The following JMJD1C variants were observed in gnomAD, a reference collection of about 807,000 sequenced individuals.
The protein encoded by JMJD1C is jumonji domain containing 1C, also known as jumonji domain-containing protein 1C.
In JMJD1C, 31 loss-of-function variants were observed where a neutral mutation model predicts 245.3. The ratio of observed to expected loss-of-function variants is 0.13; its 90% CI spans 0.09 to 0.17. The LOEUF (loss-of-function observed/expected upper bound fraction) is 0.17. JMJD1C is among the 10% of genes least tolerant of loss of function. The pLI, the probability that JMJD1C is intolerant of heterozygous loss-of-function variation, is 1.00. For missense variants in JMJD1C, 2,691 were observed against 3,000.2 expected (o/e 0.90, Z 2.41); for synonymous variants, 1,057 against 1,017.4 (o/e 1.04, Z -0.74).
Position 63,208,098 on chromosome 10 carries a change from C to G in JMJD1C, c.3571G>C (p.Val1191Leu), listed in dbSNP as rs748767610. The change falls in exon 10 of 26, where the codon GTT becomes CTT. Residue 1191 changes from valine (V) to leucine (L), a missense_variant. Coordinates refer to ENST00000399262, the MANE Select transcript of JMJD1C (RefSeq NM_032776.3). ...NDCRSPTHLT[V>L]SSTNTLRSMP... The stretch of plus-strand genomic sequence containing the variant: ...CTGCGGAGTGTATTTGTAGAAGAAA[C>G]TGTCAAATGGGTAGGACTCCTACAA... 8.7e-6 allele frequency: 14 copies of G among 1,614,070 alleles called. No homozygotes were observed. The highest frequency in any genetic ancestry group is 1.2e-5 in the Non-Finnish European group (14 of 1,179,986).
chr10:63,212,893 T>C (rs1004531179), intron 8 of JMJD1C, among the ~76,000 whole-genome samples: 7 of 150,998 alleles, frequency 4.6e-5, no homozygotes, highest in African/African-American at 7.3e-5. Context: ...TAATAATTTT[T>C]ATACCAAAAA....
At chr10:63,396,198 C>T (rs1948474831) in intron 1 of JMJD1C, among the ~76,000 whole-genome samples, 1 of 145,700 alleles carries the variant, frequency 6.9e-6, no homozygotes, top group Non-Finnish European at 1.5e-5. Context: ...GATATATATA[C>T]AGAGAGATTA....
chr10:63,311,089 G>A (rs183209485), intron 2 of JMJD1C, among the ~76,000 whole-genome samples: 20 of 152,008 alleles, frequency 1.3e-4, no homozygotes, highest in South Asian at 2.1e-4. Context: ...CAGTAATTCC[G>A]GCCGGGTGCA....
At chr10:63,369,418 C>A (rs896975632) in intron 2 of JMJD1C, among the ~76,000 whole-genome samples, 2 of 152,136 alleles carry the variant, frequency 1.3e-5, no homozygotes, top group East Asian at 3.9e-4. Flanking sequence ...GCTGGGATTA[C>A]AGGCGTTTGC....
At chr10:63,485,669 G>C (rs975208439) in intron 1 of JMJD1C, among the ~76,000 whole-genome samples, 1 of 152,052 alleles carries the variant, frequency 6.6e-6, no homozygotes, top group Non-Finnish European at 1.5e-5. Flanking sequence ...TCCAGGACTG[G>C]GATTTGAAAG....
At chr10:63,210,901 C>T (rs1847238715) in intron 8 of JMJD1C, among the ~76,000 whole-genome samples, 1 of 152,268 alleles carries the variant, frequency 6.6e-6, no homozygotes, top group Non-Finnish European at 1.5e-5. Flanking sequence ...AGCAACGGCA[C>T]CCTCCAAAAT....
At chr10:63,176,602 C>G in intron 23 of JMJD1C, 129 bp from the exon 24 acceptor site, 1 of 663,076 alleles carries the variant, frequency 1.5e-6, no homozygotes, top group Non-Finnish European at 2.5e-6. Flanking sequence ...ACTGAATGAG[C>G]TTCTTCAGTT....
At chr10:63,339,455 C>G (rs2134218803) in intron 2 of JMJD1C, among the ~76,000 whole-genome samples, 1 of 152,068 alleles carries the variant, frequency 6.6e-6, no homozygotes, top group South Asian at 2.1e-4. Context: ...GAGATAATGA[C>G]TAGAGTAGAT....
chr10:63,255,083 C>T (rs1487944075), intron 3 of JMJD1C, among the ~76,000 whole-genome samples: 1 of 151,694 alleles, frequency 6.6e-6, no homozygotes, highest in South Asian at 2.1e-4. Context: ...TGAGCTCAAG[C>T]AATCCTCCCA....
chr10:63,379,351 G>C (rs1265045342), intron 2 of JMJD1C, among the ~76,000 whole-genome samples: 1 of 152,110 alleles, frequency 6.6e-6, no homozygotes, highest in Non-Finnish European at 1.5e-5. Flanking sequence ...TTATATGCTA[G>C]ATGTTTTGCC....
At chr10:63,329,466 T>C (rs1941895332) in intron 2 of JMJD1C, among the ~76,000 whole-genome samples, 1 of 92,046 alleles carries the variant, frequency 1.1e-5, no homozygotes, top group African/African-American at 4.9e-5. Context: ...AACAAAACTA[T>C]CTCCATCAAT....
intron 1 of JMJD1C, among the ~76,000 whole-genome samples, chr10:63,434,945 T>C (rs1250609408): frequency 6.6e-6 from 1 of 152,170 alleles, no homozygotes; most frequent in Non-Finnish European, 1.5e-5. Flanking sequence ...TAGAATAATA[T>C]CTGCTGTAAA....
At chr10:63,425,967 C>T (rs1030722081) in intron 1 of JMJD1C, among the ~76,000 whole-genome samples, 1 of 152,330 alleles carries the variant, frequency 6.6e-6, no homozygotes, top group East Asian at 1.9e-4. Context: ...AAAACACATA[C>T]ACAGGCATAA....
intron 1 of JMJD1C, among the ~76,000 whole-genome samples, chr10:63,456,592 T>C (rs1049875656): frequency 4.6e-5 from 7 of 152,118 alleles, no homozygotes; most frequent in Admixed American, 4.6e-4. Flanking sequence ...AGCTCCTAAG[T>C]GTCAGTCTTT....
intron 1 of JMJD1C, among the ~76,000 whole-genome samples, chr10:63,416,345 GT>G (rs10640079): frequency 6.7e-4 from 98 of 147,186 alleles, no homozygotes; most frequent in African/African-American, 1.1e-3. Flanking sequence ...ATTTATCTTA[GT>G]TTTTTTTTTT....
At chr10:63,258,458 CCT>C (rs1854262031) in intron 3 of JMJD1C, among the ~76,000 whole-genome samples, 1 of 152,182 alleles carries the variant, frequency 6.6e-6, no homozygotes, top group African/African-American at 2.4e-5. Flanking sequence ...GTGATCTTTT[CCT>C]CTTTTGTCTG....
intron 1 of JMJD1C, among the ~76,000 whole-genome samples, chr10:63,490,329 CAGAA>C (rs1954126970): frequency 6.6e-6 from 1 of 152,172 alleles, no homozygotes; most frequent in Non-Finnish European, 1.5e-5. Context: ...GACACCCTCA[CAGAA>C]AGTGACTCCT....
chr10:63,467,760 TA>T (rs940532693), upstream of JMJD1C, among the ~76,000 whole-genome samples: 1 of 152,178 alleles, frequency 6.6e-6, no homozygotes, highest in Non-Finnish European at 1.5e-5. Context: ...TATGTAAGGA[TA>T]AAAGAGTAGG....
intron 2 of JMJD1C, among the ~76,000 whole-genome samples, chr10:63,325,975 T>TA (rs1177812932): frequency 1.3e-5 from 2 of 152,206 alleles, no homozygotes; most frequent in African/African-American, 4.8e-5. Flanking sequence ...TTTTGAATTA[T>TA]AAAAAATTAT....
Sources: gnomAD v4.1 joint callset for allele counts (sites outside exome capture counted in the v4.1 genomes callset) on GRCh38, gnomAD v4.1.1 for gene constraint, MANE v1.5 for transcripts, NCBI Gene and HGNC (gene_info 2026-07-23, HGNC 2026-07-21) for gene names.